TRIM3: variants seen among roughly 807,000 people sequenced by gnomAD.
The protein encoded by TRIM3 is tripartite motif-containing protein 3.
Under a neutral mutation model 66.6 loss-of-function variants are expected in TRIM3, and 13 were observed. The observed-to-expected ratio is 0.20, with a 90% CI of 0.13 to 0.31. The LOEUF is 0.31. Among genes scored for constraint, TRIM3 ranks in the 10% least tolerant of loss-of-function variants. The pLI, the probability that TRIM3 is intolerant of heterozygous loss-of-function variation, is 1.00. For synonymous variants in TRIM3, 406 were observed against 411.7 expected (o/e 0.99, Z 0.17); for missense variants, 711 against 1,020.4 (o/e 0.70, Z 4.13).
In TRIM3 at chr11:6,465,493, C is replaced by A. The variant is rs1850421286; in HGVS notation, c.131+72G>T. ...AGGTTTACACATGCTCCCTCACCCT[C>A]CCCACAGGGGAGGAGGATCCTCATC... On this transcript the variant is annotated intron_variant, in intron 2 of 11. Coordinates refer to ENST00000345851, the MANE Select transcript of TRIM3 (RefSeq NM_033278.4). 3.2e-6 allele frequency: 5 copies of A among 1,586,528 alleles called. No homozygotes were observed. In the East Asian group the frequency reaches 1.1e-4, roughly 36 times the overall value.
At position 6,449,353 on chromosome 11, in the gene TRIM3, A is replaced by C; in HGVS notation, c.2035T>G (p.Ser679Ala). ...FNAPTGVAVD[S>A]NGNIIVADWG... ...TCAGCCACAATGATGTTTCCATTGG[A>C]GTCCACAGCTACTCCTGTGGGGGCA... Residue 679 changes from serine (S) to alanine (A), a missense_variant, in exon 11 of 12, where the codon TCC (serine) becomes GCC (alanine). By Grantham distance (99) the Ser-to-Ala change is moderately conservative. This residue lies in a region of TRIM3 where 163 missense variants were observed against 321.9 expected (regional missense o/e 0.51). Transcript: ENST00000345851. This position sits in a 1 kb window ranked among gnomAD's most constrained non-coding sequence, Gnocchi z 5.3. The C allele has an allele frequency of 6.2e-7, 1 of 1,614,112 alleles. No individual in the cohort carries two copies. The highest frequency in any genetic ancestry group is 8.5e-7 in the Non-Finnish European group (1 of 1,179,986).
Position 6,449,934 on chromosome 11 carries a change from A to G in TRIM3, c.1942-488T>C, listed in dbSNP as rs1849650885. The G allele has an allele frequency of 6.1e-6, 1 of 164,044 alleles. No homozygotes were observed. The highest frequency in any genetic ancestry group is 2.4e-5 in the African/African-American group (1 of 41,574). The allele number at this position is 164,044 out of a possible 1,614,324, so 10.2% of individuals were successfully genotyped here. A position where few individuals can be genotyped will look rare whatever the true frequency, so the allele number is the denominator to read the frequency against. Reference sequence around the variant, plus strand: ...AGTCTTGCCTCAGCCTGAGTGATCTAAGACACACAGGACTGCATCACTCCC... The same window carrying G: ...AGTCTTGCCTCAGCCTGAGTGATCTGAGACACACAGGACTGCATCACTCCC... On this transcript the variant is annotated intron_variant, in intron 10 of 11. Coordinates refer to ENST00000345851, the MANE Select transcript of TRIM3 (RefSeq NM_033278.4). The surrounding 1 kb of genome is among the most constrained non-coding windows in gnomAD (Gnocchi z 5.3).
chr11:6,470,600 G>A (rs1850646496), intron 1 of TRIM3, among the ~76,000 whole-genome samples: 1 of 152,188 alleles, frequency 6.6e-6, no homozygotes, highest in African/African-American at 2.4e-5. Context: ...TGAATCTGAG[G>A]TGCCTATGGG....
Position 6,449,321 on chromosome 11 carries a change from G to A in TRIM3, c.2067C>T (p.Gly689=). 6.2e-7 allele frequency: 1 copy of A among 1,614,004 alleles called. No homozygotes were observed. The highest frequency in any genetic ancestry group is 8.5e-7 in the Non-Finnish European group (1 of 1,179,894). The change falls in exon 11 of 12, where the codon GGC becomes GGT. Residue 689 remains glycine (G), a synonymous_variant. Coordinates refer to ENST00000345851, the MANE Select transcript of TRIM3 (RefSeq NM_033278.4). This position sits in a 1 kb window ranked among gnomAD's most constrained non-coding sequence, Gnocchi z 5.3. ...CCTTACTCACCTGGATGCGGCTGTTGCCCCAGTCAGCCACAATGATGTTTC... is the reference window on the plus strand; with the variant it reads ...CCTTACTCACCTGGATGCGGCTGTTACCCCAGTCAGCCACAATGATGTTTC... ...SNGNIIVADW[G]NSRIQVFDSS...
intron 2 of TRIM3, among the ~76,000 whole-genome samples, chr11:6,459,506 T>C (rs1341950290): frequency 6.6e-6 from 1 of 152,232 alleles, no homozygotes; most frequent in Admixed American, 6.5e-5. Context: ...CCATGCTTTC[T>C]GATTACGTTT....
intron 2 of TRIM3, among the ~76,000 whole-genome samples, chr11:6,461,445 T>C (rs373279475): frequency 5.3e-5 from 8 of 152,098 alleles, no homozygotes; most frequent in African/African-American, 1.9e-4. Context: ...ATTGTGGACA[T>C]CTTTCTCTTG....
intron 2 of TRIM3, among the ~76,000 whole-genome samples, chr11:6,462,648 G>A (rs1433568475): frequency 6.6e-6 from 1 of 152,064 alleles, no homozygotes; most frequent in East Asian, 1.9e-4. Flanking sequence ...CTAGGCTCAA[G>A]TGATCCTCCC....
chr11:6,453,907 T>C (rs927838530), intron 7 of TRIM3, among the ~76,000 whole-genome samples: 1 of 152,112 alleles, frequency 6.6e-6, no homozygotes, highest in African/African-American at 2.4e-5. Flanking sequence ...ATGCCAGCCC[T>C]AAGGACTCCA....
At position 6,448,990 on chromosome 11, in the gene TRIM3, G is replaced by T. The variant is rs761850166; in HGVS notation, c.*38C>A. ...GACCCTCTTGTCCAATCACCCCAAT[G>T]TCTGTCCCTCCACAAGCCAGGCAGG... On this transcript the variant is annotated 3_prime_UTR_variant, in exon 12 of 12. Transcript: ENST00000345851. 5.6e-6 allele frequency: 9 copies of T among 1,609,936 alleles called. No individual in the cohort carries two copies. The highest frequency in any genetic ancestry group is 6.8e-6 in the Non-Finnish European group (8 of 1,176,520).
chr11:6,464,015 C>T lies in TRIM3; in HGVS notation c.131+1550G>A, dbSNP rs1036404747. ...TGGGGCAGAAGGCAGAGGAAAAGTG[C>T]GGATAGAGGCAGTGGTGGTGAGAAG... On this transcript the variant is annotated intron_variant, in intron 2 of 11. Coordinates refer to ENST00000345851, the MANE Select transcript of TRIM3 (RefSeq NM_033278.4). Among the ~76,000 whole-genome samples, 4 of 152,114 alleles carry T rather than the reference C, an allele frequency of 2.6e-5. No individual in the cohort carries two copies. In the East Asian group the frequency reaches 5.8e-4, roughly 22 times the overall value.
At chr11:6,452,170 A>T (rs777060904) in intron 7 of TRIM3, 1 of 152,346 alleles carries the variant, frequency 6.6e-6, no homozygotes, top group African/African-American at 2.4e-5. Flanking sequence ...GAATTAGTCC[A>T]TTCAGGCTAT....
chr11:6,454,855 C>CA (rs1849897897), intron 7 of TRIM3, among the ~76,000 whole-genome samples: 1 of 152,110 alleles, frequency 6.6e-6, no homozygotes, highest in Non-Finnish European at 1.5e-5. Flanking sequence ...CATGAGTACT[C>CA]AAGCAGGGTC....
chr11:6,465,393 C>G (rs1387303331), intron 2 of TRIM3, among the ~76,000 whole-genome samples, 172 bp downstream of exon 2: 1 of 152,028 alleles, frequency 6.6e-6, no homozygotes, highest in South Asian at 2.1e-4. Context: ...AGGTTCTTGC[C>G]CTCAAAACCT....
chr11:6,464,337 C>G (rs1278874011), intron 2 of TRIM3, among the ~76,000 whole-genome samples: 1 of 152,132 alleles, frequency 6.6e-6, no homozygotes, highest in Non-Finnish European at 1.5e-5. Flanking sequence ...TTCCAATGGT[C>G]TTTCTTCTGT....
intron 2 of TRIM3, among the ~76,000 whole-genome samples, chr11:6,461,920 C>G (rs1459508315): frequency 6.6e-6 from 1 of 152,210 alleles, no homozygotes; most frequent in Non-Finnish European, 1.5e-5. Context: ...CAAACACTTT[C>G]TGAAAACCTA....
In TRIM3 at chr11:6,457,960, T is replaced by G; in HGVS notation, c.363+105A>C. ...TAAGTGCACCCCCTACCTGGACCACTAATCCAGAGCAGTACCCTGTCACCC... is the reference window on the plus strand; with the variant it reads ...TAAGTGCACCCCCTACCTGGACCACGAATCCAGAGCAGTACCCTGTCACCC... On this transcript the variant is annotated intron_variant, in intron 3 of 11. Coordinates refer to ENST00000345851, the MANE Select transcript of TRIM3 (RefSeq NM_033278.4). This position sits in a 1 kb window ranked among gnomAD's most constrained non-coding sequence, Gnocchi z 4.5. 1 of 1,542,866 alleles carries G rather than the reference T, an allele frequency of 6.5e-7. No individual in the cohort carries two copies. Among genetic ancestry groups the G allele is most frequent in the Non-Finnish European group, 8.8e-7 (1 of 1,136,910 alleles).
At chr11:6,465,827 C>T in intron 1 of TRIM3, 95 bp from the exon 2 acceptor site, 3 of 1,143,246 alleles carry the variant, frequency 2.6e-6, no homozygotes, top group South Asian at 1.4e-5. Flanking sequence ...CTTGCCCCCA[C>T]CTCTTCCCTG....
In TRIM3 at chr11:6,456,574, G is replaced by A. The variant is rs1289846705; in HGVS notation, c.1152C>T (p.Gly384=). 1 of 1,612,906 alleles carries A rather than the reference G, an allele frequency of 6.2e-7. No homozygotes were observed. Among genetic ancestry groups the A allele is most frequent in the Admixed American group, 1.7e-5 (1 of 60,020 alleles). Residue 384 remains glycine (G), a synonymous_variant, in exon 6 of 12, where the codon GGC becomes GGT. Coordinates refer to ENST00000345851, the MANE Select transcript of TRIM3 (RefSeq NM_033278.4). This position sits in a 1 kb window ranked among gnomAD's most constrained non-coding sequence, Gnocchi z 6.4. ...LPVPVVDHKN[G]TYELVYTART... Reference sequence around the variant, plus strand: ...GCGCTGTGTACACTAGCTCATATGTGCCATTCTTGTGGTCCACCACTGGCA... The same window carrying A: ...GCGCTGTGTACACTAGCTCATATGTACCATTCTTGTGGTCCACCACTGGCA...
chr11:6,463,459 G>A (rs1185476515), intron 2 of TRIM3, among the ~76,000 whole-genome samples: 2 of 152,162 alleles, frequency 1.3e-5, no homozygotes, highest in Non-Finnish European at 2.9e-5. Context: ...AGGAGAAAGT[G>A]CAGAGACATC....
Sources: allele counts gnomAD v4.1 joint callset (sites outside exome capture counted in the v4.1 genomes callset), GRCh38; gene constraint gnomAD v4.1.1; regional missense constraint gnomAD v4.1.1; non-coding constraint Gnocchi (gnomAD v3.1); transcripts MANE v1.5; gene names NCBI Gene and HGNC (gene_info 2026-07-23, HGNC 2026-07-21).